The following THSD7B variants were observed in gnomAD, a reference collection of about 807,000 sequenced individuals.
THSD7B encodes the protein thrombospondin type-1 domain-containing protein 7B.
In THSD7B, 138 loss-of-function variants were observed where a neutral mutation model predicts 213.6. That is an observed-to-expected ratio of 0.65 (90% CI 0.56 to 0.74). The LOEUF is 0.74. Among genes scored for constraint, THSD7B ranks in the 30% least tolerant of loss-of-function variants. The pLI, the probability that THSD7B is intolerant of heterozygous loss-of-function variation, is 0.00. For synonymous variants in THSD7B, 742 were observed against 687.0 expected, an observed-to-expected ratio of 1.08 and a Z score of -1.25; for missense variants, 1,931 against 1,991.5, an observed-to-expected ratio of 0.97 and a Z score of 0.58.
chr2:137,232,105 A>G (rs17418689), intron 8 of THSD7B, among the ~76,000 whole-genome samples: 5,792 of 152,300 alleles, frequency 0.038, 164 homozygotes, highest in Non-Finnish European at 0.062. Context: ...AACAAAACCA[A>G]GGTCACAGAT....
At chr2:137,194,242 A>T (rs1227168739) in intron 7 of THSD7B, among the ~76,000 whole-genome samples, 1 of 152,144 alleles carries the variant, frequency 6.6e-6, no homozygotes, top group East Asian at 1.9e-4. Context: ...GGAATGCAGG[A>T]GTTGCTGAGG....
Position 137,618,424 on chromosome 2 carries a change from C to T in THSD7B, c.3598C>T (p.Pro1200Ser). Residue 1200 changes from proline to serine, a missense_variant, in exon 19 of 28, where the codon CCC (proline) becomes TCC (serine). Coordinates refer to ENST00000409968, the MANE Select transcript of THSD7B (RefSeq NM_001316349.2). Reference protein sequence around the residue: ...WSTCQLSENAPCGQGVRTRLL... With the variant: ...WSTCQLSENASCGQGVRTRLL... ...CACATGCCAGCTGAGTGAAAACGCA[C>T]CCTGTGGTCAAGGCGTCAGGACCCG... 5 of 1,613,846 alleles carry T rather than the reference C, an allele frequency of 3.1e-6. No individual in the cohort carries two copies. The highest frequency in any genetic ancestry group is 4.2e-6 in the Non-Finnish European group (5 of 1,179,856).
intron 1 of THSD7B, among the ~76,000 whole-genome samples, chr2:136,836,211 T>C (rs11691699): frequency 0.14 from 21,140 of 152,270 alleles, 2,191 homozygotes; most frequent in Non-Finnish European, 0.22. Context: ...TGAGCTGCAA[T>C]GCAAACGTCT....
At chr2:137,582,413 A>G (rs183603014) in intron 17 of THSD7B, among the ~76,000 whole-genome samples, 35 of 152,274 alleles carry the variant, frequency 2.3e-4, no homozygotes, top group African/African-American at 7.5e-4. Context: ...ATATGTATCC[A>G]TGTGCCGTGT....
intron 3 of THSD7B, among the ~76,000 whole-genome samples, chr2:137,068,878 A>C (rs1410818875): frequency 6.6e-6 from 1 of 152,062 alleles, no homozygotes; most frequent in Non-Finnish European, 1.5e-5. Context: ...TCTATAATGT[A>C]AACTCCTGTT....
Position 137,662,595 on chromosome 2 carries a change from C to T in THSD7B, c.4459-788C>T, listed in dbSNP as rs563963384. On this transcript the variant is annotated intron_variant, in intron 25 of 27. Transcript: ENST00000409968. ...GGTAAAAGGTGATGGAGGGATTTCG[C>T]GGCTGTGATAGCAAGAACACTTAAT... is the stretch of plus-strand genomic sequence containing the variant. 8.5e-5 allele frequency among the ~76,000 whole-genome samples: 13 copies of T among 152,176 alleles called. No individual in the cohort carries two copies. In the South Asian group the frequency reaches 1.7e-3, roughly 19 times the overall value.
intron 2 of THSD7B, among the ~76,000 whole-genome samples, chr2:137,008,467 G>A (rs2104831498): frequency 6.6e-6 from 1 of 152,228 alleles, no homozygotes; most frequent in South Asian, 2.1e-4. Flanking sequence ...TTACCTGTTA[G>A]GAAAATTGAA....
chr2:137,545,364 A>G (rs1408811185), intron 15 of THSD7B, among the ~76,000 whole-genome samples: 3 of 151,878 alleles, frequency 2.0e-5, no homozygotes, highest in African/African-American at 4.8e-5. Context: ...CAGAAAATCA[A>G]TGGCGGAACC....
intron 12 of THSD7B, among the ~76,000 whole-genome samples, chr2:137,312,093 C>G (rs1213980829): frequency 1.3e-5 from 2 of 151,156 alleles, no homozygotes; most frequent in Non-Finnish European, 1.5e-5. Flanking sequence ...ACCAGTTCCT[C>G]CTTGTACCTC....
intron 12 of THSD7B, among the ~76,000 whole-genome samples, chr2:137,313,523 T>A (rs1317384483): frequency 2.0e-5 from 3 of 151,528 alleles, no homozygotes; most frequent in Non-Finnish European, 1.5e-5. Context: ...GTTAATATTG[T>A]TATGTGTGAA....
chr2:137,363,922 G>A (rs1161594966), intron 12 of THSD7B, among the ~76,000 whole-genome samples: 1 of 152,146 alleles, frequency 6.6e-6, no homozygotes, highest in African/African-American at 2.4e-5. Context: ...CCAAAGCCTG[G>A]CAGAGACACA....
intron 5 of THSD7B, among the ~76,000 whole-genome samples, chr2:137,118,335 G>T (rs918216076): frequency 6.6e-6 from 1 of 152,074 alleles, no homozygotes; most frequent in Non-Finnish European, 1.5e-5. Flanking sequence ...CATGAATCAA[G>T]GAATGCACTT....
intron 2 of THSD7B, among the ~76,000 whole-genome samples, chr2:136,977,217 GT>G (rs1685495737): frequency 6.6e-6 from 1 of 152,040 alleles, no homozygotes; most frequent in Non-Finnish European, 1.5e-5. Flanking sequence ...AGATTTTCTA[GT>G]TTATTTGCAT....
intron 1 of THSD7B, among the ~76,000 whole-genome samples, chr2:136,850,991 C>T (rs1364481746): frequency 2.6e-5 from 4 of 151,928 alleles, no homozygotes; most frequent in African/African-American, 9.7e-5. Flanking sequence ...GATATTGCTG[C>T]ACGATTTTTT....
In THSD7B at chr2:137,572,581, C is replaced by T. The variant is rs1022838197; in HGVS notation, c.3423+25C>T. Reference sequence around the variant, plus strand: ...GGTAATTTCTCTTTCTTTGTCAATGCTCTGATAATCTATTGTTGCCTTCAC... The same window carrying T: ...GGTAATTTCTCTTTCTTTGTCAATGTTCTGATAATCTATTGTTGCCTTCAC... On this transcript the variant is annotated intron_variant, in intron 17 of 27. Coordinates refer to ENST00000409968, the MANE Select transcript of THSD7B (RefSeq NM_001316349.2). The T allele has an allele frequency of 8.1e-6, 13 of 1,612,170 alleles. No individual in the cohort carries two copies. In the African/African-American group the frequency reaches 1.2e-4, roughly 15 times the overall value.
chr2:137,411,975 T>C (rs1319569855), intron 14 of THSD7B, 103 bp downstream of exon 14: 12 of 1,344,906 alleles, frequency 8.9e-6, no homozygotes, highest in Non-Finnish European at 2.0e-6. Context: ...ATAATTGTTT[T>C]AATTTTCCTT....
intron 2 of THSD7B, among the ~76,000 whole-genome samples, chr2:136,905,950 A>G (rs187326630): frequency 6.6e-5 from 10 of 152,344 alleles, no homozygotes; most frequent in African/African-American, 2.4e-4. Flanking sequence ...TAAAGGCAGA[A>G]TCAAGCTGTG....
chr2:137,448,389 G>A (rs1687582068), intron 14 of THSD7B, among the ~76,000 whole-genome samples: 2 of 152,142 alleles, frequency 1.3e-5, no homozygotes, highest in Admixed American at 1.3e-4. Context: ...ATTTTTGCAC[G>A]AGCAAAGGCT....
At chr2:136,825,335 C>T (rs778185) in intron 1 of THSD7B, among the ~76,000 whole-genome samples, 67,650 of 151,838 alleles carry the variant, frequency 0.45, 15,779 homozygotes, top group Middle Eastern at 0.64. Context: ...CTCACTGCAC[C>T]AAAATCAAGG....
Sources: allele counts gnomAD v4.1 joint callset (sites outside exome capture counted in the v4.1 genomes callset), GRCh38; gene constraint gnomAD v4.1.1; transcripts MANE v1.5; gene names NCBI Gene and HGNC (gene_info 2026-07-23, HGNC 2026-07-21).